Variants in FXN observed in about 807,000 individuals in gnomAD.
FXN encodes frataxin, mitochondrial.
A neutral mutation model predicts 22.4 loss-of-function variants in FXN; 14 were observed. That is an observed-to-expected ratio of 0.62 (90% CI 0.41 to 0.98). The LOEUF is 0.98. Ranked by LOEUF, FXN falls within the 50% of genes least tolerant of loss-of-function variation. FXN has a pLI of 0.00. For synonymous variants in FXN, 120 were observed against 114.1 expected (o/e 1.05, Z -0.33); for missense variants, 267 against 268.4 (o/e 0.99, Z 0.04).
chr9:69,076,480 C>T lies in FXN; in HGVS notation c.*3718C>T. ...TTCCCTGGAACCATTTATCGTGTGC[C>T]TTACCATGCTTATATTTTACTTGAT... On this transcript the variant is annotated 3_prime_UTR_variant, in exon 5 of 5. Coordinates refer to ENST00000484259, the MANE Select transcript of FXN (RefSeq NM_000144.5). The T allele has an allele frequency of 9.1e-6, 9 of 985,330 alleles. No homozygotes were observed. The highest frequency in any genetic ancestry group is 1.1e-5 in the Non-Finnish European group (9 of 829,884). 61.0% of individuals were successfully genotyped at this position (985,330 alleles called of 1,614,324 possible). A position where few individuals can be genotyped will look rare whatever the true frequency, so the allele number is the denominator to read the frequency against.
intron 3 of FXN, among the ~76,000 whole-genome samples, chr9:69,054,950 G>A (rs1215374598): frequency 1.3e-5 from 2 of 152,308 alleles, no homozygotes; most frequent in East Asian, 1.9e-4. Flanking sequence ...AAATTGCAGC[G>A]GGAGCACTGA....
At chr9:69,044,667 G>A (rs571046722) in intron 1 of FXN, among the ~76,000 whole-genome samples, 2 of 152,056 alleles carry the variant, frequency 1.3e-5, no homozygotes, top group South Asian at 2.1e-4. Flanking sequence ...CCCCCTCCTC[G>A]CTCCATCACC....
intron 1 of FXN, among the ~76,000 whole-genome samples, chr9:69,041,038 T>A (rs1413480388): frequency 1.3e-5 from 2 of 152,184 alleles, no homozygotes; most frequent in Admixed American, 1.3e-4. Context: ...TGTTATAACA[T>A]CCCAGACTAA....
At chr9:69,048,793 A>G (rs1373988450) in intron 2 of FXN, among the ~76,000 whole-genome samples, 1 of 152,186 alleles carries the variant, frequency 6.6e-6, no homozygotes, top group African/African-American at 2.4e-5. Flanking sequence ...TATGCTCAGT[A>G]GGCATACAGT....
chr9:69,074,594 A>C lies in FXN; in HGVS notation c.*1832A>C, dbSNP rs1832334636. Reference sequence around the variant, plus strand: ...TAGCAAAGGCTTTTCCAATGGGTGAATAAAAACACATTCCATTAAGTCAAG... The same window carrying C: ...TAGCAAAGGCTTTTCCAATGGGTGACTAAAAACACATTCCATTAAGTCAAG... On this transcript the variant is annotated 3_prime_UTR_variant, in exon 5 of 5. Transcript: ENST00000484259. 1 of 985,314 alleles carries C rather than the reference A, an allele frequency of 1.0e-6. No individual in the cohort carries two copies. Among genetic ancestry groups the C allele is most frequent in the South Asian group, 4.7e-5 (1 of 21,280 alleles). The allele number at this position is 985,314 out of a possible 1,614,324, so 61.0% of individuals were successfully genotyped here.
intron 2 of FXN, among the ~76,000 whole-genome samples, chr9:69,050,038 C>T (rs1389624886): frequency 6.6e-6 from 1 of 152,202 alleles, no homozygotes; most frequent in Non-Finnish European, 1.5e-5. Flanking sequence ...TTAACCCCTC[C>T]CTCTTTTCCT....
chr9:69,039,599 T>C (rs1831619910), intron 1 of FXN, among the ~76,000 whole-genome samples: 4 of 152,132 alleles, frequency 2.6e-5, no homozygotes, highest in African/African-American at 7.2e-5. Context: ...AGGGGCTGCA[T>C]CTTTAACGTT....
intron 1 of FXN, among the ~76,000 whole-genome samples, chr9:69,042,163 G>T (rs1442432975): frequency 6.6e-6 from 1 of 151,886 alleles, no homozygotes; most frequent in Non-Finnish European, 1.5e-5. Context: ...ACTTGAACCC[G>T]GGAGGCGGAG....
In FXN at chr9:69,077,496, A is replaced by G. The variant is rs937831811; in HGVS notation, c.*4734A>G. The G allele has an allele frequency of 3.0e-6, 3 of 985,306 alleles. No homozygotes were observed. In the African/African-American group the frequency reaches 5.2e-5, roughly 17 times the overall value. The allele number at this position is 985,306 out of a possible 1,614,324, so 61.0% of individuals were successfully genotyped here. ...CACCCAGCAGTAAAATTGGCTCTCA[A>G]AGATTTTCTTCTCCTGTGGAAAGTC... On this transcript the variant is annotated 3_prime_UTR_variant, in exon 5 of 5. Coordinates refer to ENST00000484259, the MANE Select transcript of FXN (RefSeq NM_000144.5).
In FXN at chr9:69,035,911, C is replaced by G; in HGVS notation, c.129C>G (p.Arg43=). Reference sequence around the variant, plus strand: ...CACTCTGCGGCCGCCGTGGCCTGCGCACCGACATCGATGCGACCTGCACGC... The same window carrying G: ...CACTCTGCGGCCGCCGTGGCCTGCGGACCGACATCGATGCGACCTGCACGC... The part of the protein sequence containing the change: ...LAPLCGRRGL[R]TDIDATCTPR... Residue 43 remains arginine, a synonymous_variant, in exon 1 of 5, where the codon CGC becomes CGG. Coordinates refer to ENST00000484259, the MANE Select transcript of FXN (RefSeq NM_000144.5). 10 of 1,487,004 alleles carry G rather than the reference C, an allele frequency of 6.7e-6. No individual in the cohort carries two copies. Among genetic ancestry groups the G allele is most frequent in the Non-Finnish European group, 8.9e-6 (10 of 1,125,134 alleles). The allele number at this position is 1,487,004 out of a possible 1,614,324, so 92.1% of individuals were successfully genotyped here.
rs1195668191 is a variant in FXN, at chr9:69,072,636, T to C, written c.507T>C (p.Thr169=). 3.7e-6 allele frequency: 6 copies of C among 1,614,076 alleles called. No individual in the cohort carries two copies. Among genetic ancestry groups the C allele is most frequent in the Non-Finnish European group, 5.1e-6 (6 of 1,180,046 alleles). Residue 169 remains threonine, a synonymous_variant, in exon 5 of 5, where the codon ACT becomes ACC. Coordinates refer to ENST00000484259, the MANE Select transcript of FXN (RefSeq NM_000144.5). The part of the protein sequence containing the change: ...PSSGPKRYDW[T]GKNWVYSHDG... ...GTGGACCTAAGCGTTATGACTGGAC[T>C]GGGAAAAACTGGGTGTACTCCCACG...
At chr9:69,063,467 C>G (rs1212966160) in intron 3 of FXN, among the ~76,000 whole-genome samples, 1 of 152,116 alleles carries the variant, frequency 6.6e-6, no homozygotes, top group Non-Finnish European at 1.5e-5. Flanking sequence ...AAACACCAAG[C>G]CTGGCACAGT....
At chr9:69,037,374 G>A (rs914869951) in intron 1 of FXN, among the ~76,000 whole-genome samples, 4 of 151,996 alleles carry the variant, frequency 2.6e-5, no homozygotes, top group African/African-American at 9.7e-5. Context: ...GCTGCGGCAG[G>A]AGAATCGCTT....
chr9:69,067,934 C>T (rs1470865111), intron 4 of FXN, among the ~76,000 whole-genome samples: 1 of 152,142 alleles, frequency 6.6e-6, no homozygotes, highest in African/African-American at 2.4e-5. Flanking sequence ...ATAGAGTCAA[C>T]AAGAAAACAG....
At chr9:69,068,385 A>C (rs1365180975) in intron 4 of FXN, among the ~76,000 whole-genome samples, 1 of 152,152 alleles carries the variant, frequency 6.6e-6, no homozygotes, top group Non-Finnish European at 1.5e-5. Flanking sequence ...AGCCCAACAG[A>C]AGTTCTACAA....
intron 4 of FXN, chr9:69,071,220 T>C (rs900757189): frequency 1.9e-6 from 1 of 518,904 alleles, no homozygotes; most frequent in African/African-American, 1.9e-5. Flanking sequence ...GTCCTTGGGC[T>C]TGGTGTGGTT....
Position 69,073,299 on chromosome 9 carries a change from A to T in FXN, c.*537A>T. ...AGTGTCGAAAGCAACTCACACGGGA[A>T]GATCATTTCTTATTTGTGCTCTGTG... On this transcript the variant is annotated 3_prime_UTR_variant, in exon 5 of 5. Coordinates refer to ENST00000484259, the MANE Select transcript of FXN (RefSeq NM_000144.5). 1.0e-6 allele frequency: 1 copy of T among 1,002,692 alleles called. No individual in the cohort carries two copies. The highest frequency in any genetic ancestry group is 1.2e-6 in the Non-Finnish European group (1 of 839,774). The allele number at this position is 1,002,692 out of a possible 1,614,324, so 62.1% of individuals were successfully genotyped here. A position where few individuals can be genotyped will look rare whatever the true frequency, so the allele number is the denominator to read the frequency against.
chr9:69,059,378 T>C (rs1832022657), intron 3 of FXN, among the ~76,000 whole-genome samples: 1 of 135,296 alleles, frequency 7.4e-6, no homozygotes, highest in Non-Finnish European at 1.6e-5. Flanking sequence ...AAACCCCTGC[T>C]CAGAGGCAGC....
In FXN at chr9:69,076,647, A is replaced by G; in HGVS notation, c.*3885A>G. ...TTTTGCCACCTCTAAAGGAAGACCC[A>G]TGTTCATAGTGATGGAGTTTGTGTG... On this transcript the variant is annotated 3_prime_UTR_variant, in exon 5 of 5. Coordinates refer to ENST00000484259, the MANE Select transcript of FXN (RefSeq NM_000144.5). 1.0e-6 allele frequency: 1 copy of G among 985,464 alleles called. No individual in the cohort carries two copies. Among genetic ancestry groups the G allele is most frequent in the Non-Finnish European group, 1.2e-6 (1 of 829,942 alleles). The allele number at this position is 985,464 out of a possible 1,614,324, so 61.0% of individuals were successfully genotyped here.
Sources: gnomAD v4.1 joint callset for allele counts (sites outside exome capture counted in the v4.1 genomes callset) on GRCh38, gnomAD v4.1.1 for gene constraint, MANE v1.5 for transcripts, NCBI Gene and HGNC (gene_info 2026-07-23, HGNC 2026-07-21) for gene names.